SLC2A2: variants seen among roughly 807,000 people sequenced by gnomAD.
SLC2A2 encodes the protein solute carrier family 2, facilitated glucose transporter member 2.
SLC2A2 carries 36 observed loss-of-function variants against 54.5 expected under a neutral mutation model. The observed-to-expected ratio is 0.66, with a 90% confidence interval of 0.51 to 0.87. The LOEUF is 0.87. Ranked by LOEUF, SLC2A2 falls within the 40% of genes least tolerant of loss-of-function variation. SLC2A2 has a pLI of 0.00. For missense variants in SLC2A2, 543 were observed against 624.3 expected (o/e 0.87, Z 1.39); for synonymous variants, 223 against 219.1 (o/e 1.02, Z -0.16).
At chr3:171,025,811 A>G (rs1245266062) in intron 1 of SLC2A2, among the ~76,000 whole-genome samples, 1 of 152,232 alleles carries the variant, frequency 6.6e-6, no homozygotes, top group Non-Finnish European at 1.5e-5. Flanking sequence ...GAAACCACGT[A>G]TAAGGGAGCA....
intron 1 of SLC2A2, 21 bp downstream of exon 1, chr3:171,026,635 A>G: frequency 6.2e-7 from 1 of 1,609,028 alleles, no homozygotes; most frequent in Non-Finnish European, 8.5e-7. Context: ...CAGACTTGAA[A>G]TGAATATAAT....
intron 2 of SLC2A2, among the ~76,000 whole-genome samples, chr3:171,017,577 G>T (rs1390377807): frequency 1.3e-5 from 2 of 152,166 alleles, no homozygotes; most frequent in Non-Finnish European, 2.9e-5. Context: ...TTCACTTTAT[G>T]CCACCTCTTC....
chr3:171,010,774 AATT>A (rs1359570443), intron 3 of SLC2A2, among the ~76,000 whole-genome samples: 5 of 152,142 alleles, frequency 3.3e-5, no homozygotes. Flanking sequence ...AAAATCTATA[AATT>A]ATTAGTGACC....
intron 8 of SLC2A2, among the ~76,000 whole-genome samples, chr3:170,999,397 A>G (rs551828664): frequency 2.6e-4 from 39 of 152,198 alleles, no homozygotes; most frequent in Admixed American, 7.2e-4. Context: ...TGCTTAATTT[A>G]GTCACATTGG....
rs1461795294 is a variant in SLC2A2 at position 171,002,638 on chromosome 3, T to G, written c.1006A>C (p.Ser336Arg). ...CCAATGGTTGCATAAACAGGTTTGC[T>G]GATACCAGCCGTCTGAAAAATGCTG... ...STSIFQTAGI[S>R]KPVYATIGVG... Residue 336 changes from serine (S) to arginine (R), a missense_variant, in exon 8 of 11, where the codon AGC (serine) becomes CGC (arginine). Around this residue, in one of 3 missense-constraint regions of SLC2A2, gnomAD observed 117 missense variants for 179.2 expected, o/e 0.65. Transcript: ENST00000314251. The G allele has an allele frequency of 6.2e-7, 1 of 1,610,666 alleles. No individual in the cohort carries two copies. The highest frequency in any genetic ancestry group is 1.3e-5 in the African/African-American group (1 of 74,804).
intron 1 of SLC2A2, among the ~76,000 whole-genome samples, chr3:171,021,939 C>T (rs2108265560): frequency 6.6e-6 from 1 of 152,292 alleles, no homozygotes; most frequent in East Asian, 1.9e-4. Context: ...AAGTTCTTCC[C>T]TTTTGAGAAT....
chr3:171,020,714 C>G (rs1246077338), intron 1 of SLC2A2, among the ~76,000 whole-genome samples: 1 of 151,576 alleles, frequency 6.6e-6, no homozygotes, highest in Non-Finnish European at 1.5e-5. Flanking sequence ...AAGACCTTGT[C>G]TCTACAAAAA....
intron 7 of SLC2A2, among the ~76,000 whole-genome samples, chr3:171,003,808 G>T (rs1381071153): frequency 6.6e-6 from 1 of 151,950 alleles, no homozygotes; most frequent in Admixed American, 6.6e-5. Flanking sequence ...CATGGTGTAG[G>T]CATGTGCTCA....
At chr3:171,009,914 TGTG>T (rs1560037295) in intron 4 of SLC2A2, 41 bp downstream of exon 4, 1 of 323,002 alleles carries the variant, frequency 3.1e-6, no homozygotes, top group Non-Finnish European at 4.2e-6. Context: ...CAAAGGTAGG[TGTG>T]TGTGTGTGTG....
At chr3:171,010,816 T>C (rs894995922) in intron 3 of SLC2A2, among the ~76,000 whole-genome samples, 1 of 152,106 alleles carries the variant, frequency 6.6e-6, no homozygotes, top group African/African-American at 2.4e-5. Flanking sequence ...GAGCTGACAA[T>C]AGCAACAAAA....
At position 170,998,032 on chromosome 3, in the gene SLC2A2, A is replaced by AAAAAATG; in HGVS notation, c.1439_1445dup (p.Lys483IlefsTer3). ...ACTTTCCTTTGGTTTCTGGAACTTT[A>AAAAAATG]AAAAATGTGAACAGGGTAAAGGCCA... is the stretch of plus-strand genomic sequence containing the variant. On this transcript the variant is annotated frameshift_variant, in exon 11 of 11. Transcript: ENST00000314251. LOFTEE classifies it high-confidence loss of function. The AAAAAATG allele has an allele frequency of 6.2e-7, 1 of 1,613,630 alleles. No individual in the cohort carries two copies. The highest frequency in any genetic ancestry group is 1.1e-5 in the South Asian group (1 of 91,076).
At chr3:171,019,063 G>GTGTGTGTGTGTATATATATA (rs1716297697) in intron 1 of SLC2A2, among the ~76,000 whole-genome samples, 1 of 126,292 alleles carries the variant, frequency 7.9e-6, no homozygotes, top group Non-Finnish European at 1.6e-5. Context: ...TGATATGTGT[G>GTGTGTGTGTGTATATATATA]TGTGTGTGTG....
At chr3:171,005,148 T>TTGTAATGAAACAAACTA (rs1715531240) in intron 7 of SLC2A2, 137 bp downstream of exon 7, 1 of 751,946 alleles carries the variant, frequency 1.3e-6, no homozygotes, top group East Asian at 2.6e-5. Context: ...TAATGCTTAC[T>TTGTAATGAAACAAACTA]CAATGTACGT....
At chr3:171,011,542 A>G (rs1341600512) in intron 3 of SLC2A2, among the ~76,000 whole-genome samples, 1 of 152,132 alleles carries the variant, frequency 6.6e-6, no homozygotes, top group African/African-American at 2.4e-5. Context: ...CTGAGTTTGG[A>G]ATTTTGACCT....
chr3:171,002,826 G>T (rs776103318), intron 7 of SLC2A2, 146 bp from the exon 8 acceptor site: 7 of 637,258 alleles, frequency 1.1e-5, no homozygotes, highest in Non-Finnish European at 2.0e-5. Context: ...TCCTTCCAAG[G>T]AAGAGAACCC....
intron 1 of SLC2A2, among the ~76,000 whole-genome samples, chr3:171,022,356 T>G (rs753121342): frequency 6.6e-6 from 1 of 152,214 alleles, no homozygotes; most frequent in Non-Finnish European, 1.5e-5. Context: ...TCCACAGAAT[T>G]TACCACTTGT....
chr3:170,998,077 G>T lies in SLC2A2; in HGVS notation c.1401C>A (p.Phe467Leu), dbSNP rs754555670. 1 of 1,613,458 alleles carries T rather than the reference G, an allele frequency of 6.2e-7. No homozygotes were observed. The highest frequency in any genetic ancestry group is 1.7e-5 in the Admixed American group (1 of 59,848). The change falls in exon 11 of 11, where the codon TTC (phenylalanine) becomes TTA (leucine). Residue 467 changes from phenylalanine (F) to leucine (L), a missense_variant. Coordinates refer to ENST00000314251, the MANE Select transcript of SLC2A2 (RefSeq NM_000340.2). ...IADFCGPYVFFLFAGVLLAFT... is the reference protein window; with the variant it reads ...IADFCGPYVFLLFAGVLLAFT... The stretch of plus-strand genomic sequence containing the variant: ...AGGCCAGGAGCACTCCAGCAAAGAG[G>T]AAAAACACATAAGGTCCACAGAAGT...
At chr3:171,004,591 G>GTT (rs5854402) in intron 7 of SLC2A2, among the ~76,000 whole-genome samples, 2 of 143,356 alleles carry the variant, frequency 1.4e-5, no homozygotes, top group African/African-American at 5.0e-5. Context: ...GAGAAGTGGT[G>GTT]TTTTTTTTTT....
At chr3:170,999,005 C>G in intron 9 of SLC2A2, 60 bp downstream of exon 9, 5 of 1,056,964 alleles carry the variant, frequency 4.7e-6, no homozygotes, top group Non-Finnish European at 6.0e-6. Context: ...ACCTGGACCA[C>G]AGAGGTGCCA....
Sources: gnomAD v4.1 joint callset for allele counts (sites outside exome capture counted in the v4.1 genomes callset) on GRCh38, gnomAD v4.1.1 for gene constraint, gnomAD v4.1.1 regional missense constraint, MANE v1.5 for transcripts, NCBI Gene and HGNC (gene_info 2026-07-23, HGNC 2026-07-21) for gene names.